Variants in DAZAP2 observed in about 807,000 individuals in gnomAD.
The protein encoded by DAZAP2 is DAZ associated protein 2.
DAZAP2 carries 3 observed loss-of-function variants against 16.2 expected under a neutral mutation model. The ratio of observed to expected loss-of-function variants is 0.19; its 90% CI spans 0.08 to 0.48. DAZAP2 has a LOEUF of 0.48. Among genes scored for constraint, DAZAP2 ranks in the 20% least tolerant of loss-of-function variants. DAZAP2 has a pLI of 0.98. For synonymous variants in DAZAP2, 69 were observed against 77.6 expected (o/e 0.89, Z 0.58); for missense variants, 172 against 215.9 (o/e 0.80, Z 1.27).
chr12:51,243,080 A>G lies in DAZAP2; in HGVS notation c.*622A>G. On this transcript the variant is annotated 3_prime_UTR_variant, in exon 4 of 4. Transcript: ENST00000412716. ...CGTCATCTTTTAACTAGTGTTTCAC[A>G]AGGATCCTCTGAAACCCTCTCTGTG... is the stretch of plus-strand genomic sequence containing the variant. 1.0e-6 allele frequency: 1 copy of G among 990,420 alleles called. No homozygotes were observed. The highest frequency in any genetic ancestry group is 1.2e-6 in the Non-Finnish European group (1 of 833,372). 61.4% of individuals were successfully genotyped at this position (990,420 alleles called of 1,614,324 possible).
intron 2 of DAZAP2, 165 bp from the exon 3 acceptor site, chr12:51,240,706 G>C: frequency 9.9e-7 from 1 of 1,009,912 alleles, no homozygotes; most frequent in Non-Finnish European, 1.4e-6. Flanking sequence ...ATTAGCTATA[G>C]CAGAAAGTGA....
downstream of DAZAP2, chr12:51,246,706 C>A (rs191455226): frequency 2.1e-6 from 3 of 1,447,028 alleles, no homozygotes; most frequent in African/African-American, 1.4e-5. Flanking sequence ...GAGAGAGATG[C>A]CCTTGATCCA....
chr12:51,240,582 A>G, intron 2 of DAZAP2, 121 bp downstream of exon 2: 1 of 1,045,198 alleles, frequency 9.6e-7, no homozygotes, highest in Non-Finnish European at 1.4e-6. Context: ...ATAATCTAAA[A>G]CACTATATAA....
At chr12:51,245,406 G>C (rs1944753664), downstream of DAZAP2, 1 of 152,828 alleles carries the variant, frequency 6.5e-6, no homozygotes, top group Non-Finnish European at 1.5e-5. Flanking sequence ...GCATGAGGTT[G>C]TTGGGGAACA....
At chr12:51,246,012 C>CCATCTGGACGATGA (rs769895108), downstream of DAZAP2, 31 of 1,613,952 alleles carry the variant, frequency 1.9e-5, no homozygotes, top group Non-Finnish European at 2.5e-5. Flanking sequence ...GCACTGGGCT[C>CCATCTGGACGATGA]ACCTTCTGTA....
chr12:51,239,036 T>C (rs1321338845), intron 1 of DAZAP2, 116 bp downstream of exon 1: 18 of 1,465,682 alleles, frequency 1.2e-5, no homozygotes, highest in Non-Finnish European at 9.2e-6. Context: ...CCATGCTCCT[T>C]GGCCGGCTGC....
At chr12:51,244,031 A>G, downstream of DAZAP2, 3 of 544,630 alleles carry the variant, frequency 5.5e-6, no homozygotes, top group Admixed American at 6.4e-5. Context: ...TAAACTTAGA[A>G]ATGAGGGAAC....
rs2137283452 is a variant in DAZAP2 at position 51,240,968 on chromosome 12, C to G, written c.230C>G (p.Ser77Cys). 1 of 1,614,218 alleles carries G rather than the reference C, an allele frequency of 6.2e-7. No homozygotes were observed. Among genetic ancestry groups the G allele is most frequent in the African/African-American group, 1.3e-5 (1 of 75,050 alleles). The stretch of plus-strand genomic sequence containing the variant: ...TCTCTGTATCTTCCCATGGCCCAGT[C>G]TGTGGCTGTTGGGCCTTTAGGTTCC... ...GASLYLPMAQ[S>C]VAVGPLGSTI... Residue 77 changes from serine to cysteine, a missense_variant, in exon 3 of 4, where the codon TCT (serine) becomes TGT (cysteine). Ser to Cys is a moderately radical substitution (Grantham distance 112). Coordinates refer to ENST00000412716, the MANE Select transcript of DAZAP2 (RefSeq NM_014764.4).
downstream of DAZAP2, chr12:51,246,379 G>A: frequency 2.0e-6 from 1 of 489,496 alleles, no homozygotes; most frequent in African/African-American, 1.9e-5. Flanking sequence ...ACCAGTTCCT[G>A]ATTCTTAAAG....
chr12:51,241,143 T>G (rs780127878), intron 3 of DAZAP2, 27 bp downstream of exon 3: 34 of 1,608,586 alleles, frequency 2.1e-5, no homozygotes, highest in Middle Eastern at 1.7e-4. Flanking sequence ...CAGAAGAAAC[T>G]CAGCCCTTGT....
At position 51,243,495 on chromosome 12, in the gene DAZAP2, T is replaced by C; in HGVS notation, c.*1037T>C. ...TGTGAATGTCTCACTACAAAATGAC[T>C]TGAGTCCAGTGAAATCTCATTAGGG... On this transcript the variant is annotated 3_prime_UTR_variant, in exon 4 of 4. Transcript: ENST00000412716. 2 of 985,882 alleles carry C rather than the reference T, an allele frequency of 2.0e-6. No homozygotes were observed. The highest frequency in any genetic ancestry group is 9.4e-5 in the South Asian group (2 of 21,286). The allele number at this position is 985,882 out of a possible 1,614,324, so 61.1% of individuals were successfully genotyped here.
At chr12:51,240,542 C>T in intron 2 of DAZAP2, 81 bp downstream of exon 2, 1 of 1,213,418 alleles carries the variant, frequency 8.2e-7, no homozygotes, top group Non-Finnish European at 1.2e-6. Flanking sequence ...TCTGACTTCA[C>T]ATATTTACTC....
chr12:51,246,541 G>A, downstream of DAZAP2: 1 of 460,826 alleles, frequency 2.2e-6, no homozygotes, highest in Non-Finnish European at 3.8e-6. Context: ...TCTATTTGCG[G>A]CCACCTCCCA....
intron 3 of DAZAP2, among the ~76,000 whole-genome samples, chr12:51,241,408 T>G (rs1338594592): frequency 1.3e-5 from 2 of 152,140 alleles, no homozygotes; most frequent in African/African-American, 4.8e-5. Flanking sequence ...TGCTCCTTAT[T>G]CATTCCATAA....
downstream of DAZAP2, chr12:51,244,031 A>C (rs1944730798): frequency 3.7e-6 from 2 of 544,628 alleles, no homozygotes; most frequent in African/African-American, 4.1e-5. Flanking sequence ...TAAACTTAGA[A>C]ATGAGGGAAC....
At chr12:51,242,305 AT>A (rs771571804) in intron 3 of DAZAP2, 24 bp from the exon 4 acceptor site, 2 of 1,559,958 alleles carry the variant, frequency 1.3e-6, no homozygotes, top group African/African-American at 2.7e-5. Context: ...CCCTGTGCCC[AT>A]TCTATCATGT....
intron 3 of DAZAP2, among the ~76,000 whole-genome samples, chr12:51,241,678 G>A (rs1565653577): frequency 6.6e-6 from 1 of 152,142 alleles, no homozygotes; most frequent in African/African-American, 2.4e-5. Flanking sequence ...CAAAAACTGT[G>A]TAAGGGCGAA....
At chr12:51,240,778 C>T in intron 2 of DAZAP2, 93 bp from the exon 3 acceptor site, 1 of 1,504,678 alleles carries the variant, frequency 6.6e-7, no homozygotes. Flanking sequence ...AAAGTATAAC[C>T]TGCATAAGGA....
At position 51,241,457 on chromosome 12, in the gene DAZAP2, G is replaced by T. The variant is rs2137284614; in HGVS notation, c.378+341G>T. 3.3e-5 allele frequency among the ~76,000 whole-genome samples: 5 copies of T among 152,264 alleles called. No individual in the cohort carries two copies. The Middle Eastern group carries it at 0.014, about 414-fold the overall frequency. On this transcript the variant is annotated intron_variant, in intron 3 of 3. Transcript: ENST00000412716. ...ACTTAATATTTGCCATCAGCATGGT[G>T]TTGCACTAGGAACCCTGATAATTAA...
Sources: allele counts gnomAD v4.1 joint callset (sites outside exome capture counted in the v4.1 genomes callset), GRCh38; gene constraint gnomAD v4.1.1; transcripts MANE v1.5; gene names NCBI Gene and HGNC (gene_info 2026-07-23, HGNC 2026-07-21).